KIAA1217: variants seen among roughly 807,000 people sequenced by gnomAD.
The protein encoded by KIAA1217 is KIAA1217.
A neutral mutation model predicts 163.9 loss-of-function variants in KIAA1217; 88 were observed. That is an observed-to-expected ratio of 0.54 (90% CI 0.45 to 0.64). The LOEUF (loss-of-function observed/expected upper bound fraction) is 0.64. KIAA1217 is among the 30% of genes least tolerant of loss of function. The pLI, the probability that KIAA1217 is intolerant of heterozygous loss-of-function variation, is 0.00. For synonymous variants in KIAA1217, 903 were observed against 923.1 expected (o/e 0.98, Z 0.39); for missense variants, 2,372 against 2,475.0 (o/e 0.96, Z 0.88).
rs147375660 is a variant in KIAA1217, at chr10:23,892,022, T to C, written c.-320-115203T>C. 1.7e-3 allele frequency among the ~76,000 whole-genome samples: 255 copies of C among 152,060 alleles called. 2 individuals carry two copies. In the South Asian group the frequency reaches 0.021, roughly 13 times the overall value. On this transcript the variant is annotated intron_variant, in intron 1 of 18. Transcript: ENST00000376462. ...CATGTCAGTTTTTCTCTAAAATTTA[T>C]AACTAATATTCATGTACATATATAT... is the stretch of plus-strand genomic sequence containing the variant.
intron 1 of KIAA1217, among the ~76,000 whole-genome samples, chr10:23,700,500 T>C (rs961055266): frequency 5.3e-5 from 8 of 150,816 alleles, no homozygotes; most frequent in Non-Finnish European, 1.0e-4. Context: ...ATTTCTCTCA[T>C]AGTAAAAAAA....
chr10:24,448,679 G>T (rs900933901), intron 5 of KIAA1217, among the ~76,000 whole-genome samples: 2 of 152,328 alleles, frequency 1.3e-5, no homozygotes, highest in Middle Eastern at 3.4e-3. Flanking sequence ...GAGCCACTGT[G>T]CCTGGCCCCT....
chr10:23,973,877 T>G (rs1045731970), intron 1 of KIAA1217, among the ~76,000 whole-genome samples: 6 of 151,792 alleles, frequency 4.0e-5, no homozygotes, highest in African/African-American at 1.4e-4. Flanking sequence ...TAGAAGGAAA[T>G]GAAGACACCT....
intron 1 of KIAA1217, among the ~76,000 whole-genome samples, chr10:23,731,198 G>A (rs567709429): frequency 6.6e-6 from 1 of 152,194 alleles, no homozygotes; most frequent in Admixed American, 6.5e-5. Context: ...TACTTTGAGG[G>A]AGGGGAAGGT....
intron 3 of KIAA1217, among the ~76,000 whole-genome samples, chr10:24,400,747 C>A (rs1345499129): frequency 6.6e-6 from 1 of 151,980 alleles, no homozygotes; most frequent in Non-Finnish European, 1.5e-5. Flanking sequence ...GAGGAAATCT[C>A]ACAATCTGAG....
intron 2 of KIAA1217, among the ~76,000 whole-genome samples, chr10:24,374,333 C>T (rs571424816): frequency 4.0e-4 from 61 of 152,282 alleles, no homozygotes; most frequent in African/African-American, 1.4e-3. Context: ...TACTAGTCAT[C>T]CTGGCAAGTA....
At chr10:23,760,834 G>T (rs560890419) in intron 1 of KIAA1217, among the ~76,000 whole-genome samples, 1 of 152,136 alleles carries the variant, frequency 6.6e-6, no homozygotes, top group East Asian at 1.9e-4. Flanking sequence ...ATGTTGAGAT[G>T]GTTTACCAGT....
chr10:24,350,444 T>C (rs1315583117), intron 2 of KIAA1217, among the ~76,000 whole-genome samples: 2 of 152,214 alleles, frequency 1.3e-5, no homozygotes, highest in East Asian at 3.8e-4. Flanking sequence ...TGTGTTCTAG[T>C]TCTCAGACAA....
chr10:24,400,523 A>G (rs1240673204), intron 3 of KIAA1217, among the ~76,000 whole-genome samples: 5 of 152,216 alleles, frequency 3.3e-5, no homozygotes, highest in African/African-American at 1.2e-4. Context: ...TTCTGCAAGA[A>G]GTGATGCTTT....
intron 1 of KIAA1217, among the ~76,000 whole-genome samples, chr10:23,836,170 C>A (rs905972573): frequency 6.6e-6 from 1 of 152,064 alleles, no homozygotes; most frequent in African/African-American, 2.4e-5. Flanking sequence ...TCAGTCTGTG[C>A]CTTTTTGTTT....
intron 6 of KIAA1217, among the ~76,000 whole-genome samples, chr10:24,484,286 C>T (rs113397552): frequency 0.15 from 18,722 of 124,308 alleles, 1,549 homozygotes; most frequent in South Asian, 0.25. Context: ...GCTCTGTTGC[C>T]CAGGCTGGAG....
chr10:23,997,339 A>G, intron 1 of KIAA1217, among the ~76,000 whole-genome samples: 1 of 152,222 alleles, frequency 6.6e-6, no homozygotes, highest in East Asian at 1.9e-4. Context: ...GGCCACTATG[A>G]AAAGAAATGC....
intron 2 of KIAA1217, among the ~76,000 whole-genome samples, chr10:24,152,610 T>C (rs2064671335): frequency 1.3e-5 from 2 of 152,156 alleles, no homozygotes; most frequent in South Asian, 4.1e-4. Flanking sequence ...TTTCTAAATC[T>C]CCCTCTATAT....
intron 1 of KIAA1217, among the ~76,000 whole-genome samples, chr10:23,771,942 A>G (rs1039241511): frequency 6.6e-5 from 10 of 152,226 alleles, no homozygotes; most frequent in Admixed American, 2.0e-4. Context: ...TTTAAATTCT[A>G]TAATGTAAAG....
chr10:23,751,702 C>A (rs1022962287), intron 1 of KIAA1217, among the ~76,000 whole-genome samples: 1 of 152,068 alleles, frequency 6.6e-6, no homozygotes, highest in Non-Finnish European at 1.5e-5. Context: ...TTTAGCAAAT[C>A]TGGTTGAAGA....
intron 2 of KIAA1217, among the ~76,000 whole-genome samples, chr10:24,199,182 T>C (rs1348518471): frequency 2.0e-5 from 3 of 152,142 alleles, no homozygotes; most frequent in Admixed American, 6.6e-5. Context: ...CAGTGAGCTG[T>C]GATTGCACCA....
Position 24,124,325 on chromosome 10 carries a change from A to C in KIAA1217, c.-170-95301A>C, listed in dbSNP as rs1301030510. Among the ~76,000 whole-genome samples, 9 of 152,212 alleles carry C rather than the reference A, an allele frequency of 5.9e-5. No homozygotes were observed. In the South Asian group the frequency reaches 1.7e-3, roughly 28 times the overall value. Reference sequence around the variant, plus strand: ...TGTTTCCAACCATGTTGGACAGCTTACTTGTTTTAGAAGTTTGTAAATTAT... The same window carrying C: ...TGTTTCCAACCATGTTGGACAGCTTCCTTGTTTTAGAAGTTTGTAAATTAT... On this transcript the variant is annotated intron_variant, in intron 2 of 18. Transcript: ENST00000376462.
chr10:24,429,153 G>C (rs947332354), intron 3 of KIAA1217, among the ~76,000 whole-genome samples: 8 of 152,204 alleles, frequency 5.3e-5, no homozygotes, highest in African/African-American at 1.9e-4. Context: ...CAAAGGCATT[G>C]CTCCATTATC....
intron 2 of KIAA1217, among the ~76,000 whole-genome samples, chr10:24,024,691 T>G (rs1019267543): frequency 6.6e-6 from 1 of 151,798 alleles, no homozygotes; most frequent in African/African-American, 2.4e-5. Context: ...CAGCAATGTA[T>G]GAGAATTTCA....
Sources: gnomAD v4.1 joint callset for allele counts (sites outside exome capture counted in the v4.1 genomes callset) on GRCh38, gnomAD v4.1.1 for gene constraint, MANE v1.5 for transcripts, NCBI Gene and HGNC (gene_info 2026-07-23, HGNC 2026-07-21) for gene names.